CD163L1: variants seen among roughly 807,000 people sequenced by gnomAD.
CD163L1 encodes CD163 molecule like 1.
A neutral mutation model predicts 165.4 loss-of-function variants in CD163L1; 124 were observed. That is an observed-to-expected ratio of 0.75 (90% CI 0.65 to 0.87). The LOEUF (loss-of-function observed/expected upper bound fraction) is 0.87, where lower values mean the gene tolerates loss of function less well. CD163L1 is among the 40% of genes least tolerant of loss of function. The probability of loss-of-function intolerance (pLI) is 0.00; values close to 1 mark genes in which losing one functional copy is unlikely to be tolerated. For synonymous variants in CD163L1, 585 were observed against 662.2 expected (o/e 0.88, Z 1.79); for missense variants, 1,525 against 1,799.9 (o/e 0.85, Z 2.76).
Position 7,374,952 on chromosome 12 carries a change from A to G in CD163L1, c.3002-29T>C, listed in dbSNP as rs766342671. On this transcript the variant is annotated intron_variant, in intron 11 of 19. Transcript: ENST00000313599. This position sits in a 1 kb window ranked among gnomAD's most constrained non-coding sequence, Gnocchi z 5.4. The stretch of plus-strand genomic sequence containing the variant: ...GTGGAGGGTGCAGGAAATGGGGCAA[A>G]AGTAAGACCAAAATACATGGAAAAG... 66 of 1,585,250 alleles carry G rather than the reference A, an allele frequency of 4.2e-5. No homozygotes were observed. The highest frequency in any genetic ancestry group is 2.7e-4 in the Admixed American group (16 of 59,956).
At position 7,432,644 on chromosome 12, in the gene CD163L1, A is replaced by G; in HGVS notation, c.538T>C (p.Cys180Arg). ...VKFQERWGTI[C>R]DDGWNLNTAA... ...GTATTCAAGTTCCACCCATCATCACATATAGTTCCCCACCTTTCTTGGAAT... is the reference window on the plus strand; with the variant it reads ...GTATTCAAGTTCCACCCATCATCACGTATAGTTCCCCACCTTTCTTGGAAT... The change falls in exon 4 of 20, where the codon TGT (cysteine) becomes CGT (arginine). Residue 180 changes from cysteine to arginine, a missense_variant. Cys to Arg is a radical substitution (Grantham distance 180). Transcript: ENST00000313599. This position sits in a 1 kb window ranked among gnomAD's most constrained non-coding sequence, Gnocchi z 4.2. The G allele has an allele frequency of 6.2e-7, 1 of 1,614,146 alleles. No individual in the cohort carries two copies. Among genetic ancestry groups the G allele is most frequent in the East Asian group, 2.2e-5 (1 of 44,882 alleles).
intron 2 of CD163L1, among the ~76,000 whole-genome samples, chr12:7,435,112 T>C (rs1369231135): frequency 6.6e-6 from 1 of 152,080 alleles, no homozygotes; most frequent in African/African-American, 2.4e-5. Flanking sequence ...AGAGATATAT[T>C]CTAATATGAT....
chr12:7,421,404 CTTCCAAATGT>C (rs1565809718), intron 4 of CD163L1, among the ~76,000 whole-genome samples: 52 of 58,584 alleles, frequency 8.9e-4, no homozygotes, highest in Middle Eastern at 0.017. Context: ...GTATATATAT[CTTCCAAATGT>C]ATATATACAT....
At position 7,406,697 on chromosome 12, in the gene CD163L1, C is replaced by A. The variant is rs148507764; in HGVS notation, c.922G>T (p.Ala308Ser). ...VVCKQLGCGT[A>S]LHFAGLPHLQ... ...TGAGGCAAGCCAGCGAAGTGAAGTG[C>A]GGTTCCACATCCCAACTGCTTGCAT... The change falls in exon 5 of 20, where the codon GCA becomes TCA. Residue 308 changes from alanine (A) to serine (S), a missense_variant. Ala to Ser is a moderately conservative substitution (Grantham distance 99). Transcript: ENST00000313599. The A allele has an allele frequency of 1.2e-5, 19 of 1,613,938 alleles. No homozygotes were observed. Among genetic ancestry groups the A allele is most frequent in the Non-Finnish European group, 1.4e-5 (16 of 1,179,996 alleles).
downstream of CD163L1, among the ~76,000 whole-genome samples, chr12:7,343,544 T>A (rs1946650488): frequency 6.6e-6 from 1 of 152,068 alleles, no homozygotes; most frequent in Admixed American, 6.5e-5. Flanking sequence ...AGAGCCAGCA[T>A]ATCATACAGA....
intron 1 of CD163L1, 49 bp from the exon 2 acceptor site, chr12:7,441,295 A>G: frequency 7.5e-7 from 1 of 1,332,604 alleles, no homozygotes. Flanking sequence ...TTTCTAAGAA[A>G]TGTTAGATGA....
intron 4 of CD163L1, among the ~76,000 whole-genome samples, chr12:7,415,241 A>C (rs1319420694): frequency 6.6e-6 from 1 of 152,146 alleles, no homozygotes; most frequent in South Asian, 2.1e-4. Flanking sequence ...AGTTGTTATC[A>C]ACTTAAAAAT....
intron 18 of CD163L1, among the ~76,000 whole-genome samples, chr12:7,363,536 G>T (rs761217863): frequency 2.6e-5 from 4 of 151,916 alleles, no homozygotes; most frequent in Non-Finnish European, 5.9e-5. Flanking sequence ...CCTTTAGCTG[G>T]ACTAAGTAAA....
intron 4 of CD163L1, among the ~76,000 whole-genome samples, chr12:7,407,804 C>CAG (rs1242305104): frequency 6.7e-6 from 1 of 149,958 alleles, no homozygotes; most frequent in African/African-American, 2.5e-5. Context: ...CACACACACA[C>CAG]ACAGACACAC....
intron 4 of CD163L1, among the ~76,000 whole-genome samples, chr12:7,415,581 C>G (rs1015165596): frequency 6.6e-6 from 1 of 152,124 alleles, no homozygotes; most frequent in South Asian, 2.1e-4. Context: ...CCCCTACCCC[C>G]CCAACCCCCA....
the CD163L1 span, among the ~76,000 whole-genome samples, chr12:7,326,504 T>A: frequency 1.3e-5 from 2 of 152,260 alleles, no homozygotes; most frequent in African/African-American, 4.8e-5. Flanking sequence ...GCCACCATGC[T>A]CAGCCCTTTC....
At chr12:7,363,048 A>G (rs1301389576) in intron 18 of CD163L1, among the ~76,000 whole-genome samples, 1 of 152,078 alleles carries the variant, frequency 6.6e-6, no homozygotes, top group Non-Finnish European at 1.5e-5. Flanking sequence ...TACACGAAAT[A>G]ACAGTACTAA....
At chr12:7,408,074 T>TAC (rs1222063989) in intron 4 of CD163L1, among the ~76,000 whole-genome samples, 2 of 125,740 alleles carry the variant, frequency 1.6e-5, no homozygotes, top group South Asian at 2.4e-4. Flanking sequence ...AACTGAACAC[T>TAC]ACATATATAT....
chr12:7,435,091 C>A (rs1591971732), intron 2 of CD163L1, among the ~76,000 whole-genome samples: 1 of 130,850 alleles, frequency 7.6e-6, no homozygotes, highest in South Asian at 2.8e-4. Context: ...GTAGTTGATA[C>A]ACACACACAC....
chr12:7,384,741 G>A (rs1179098642), intron 8 of CD163L1, among the ~76,000 whole-genome samples: 1 of 151,784 alleles, frequency 6.6e-6, no homozygotes, highest in Non-Finnish European at 1.5e-5. Flanking sequence ...TCCCAGATAA[G>A]CAAAAAATGA....
downstream of CD163L1, among the ~76,000 whole-genome samples, chr12:7,354,491 A>G (rs1265925135): frequency 6.6e-6 from 1 of 152,186 alleles, no homozygotes; most frequent in Non-Finnish European, 1.5e-5. Flanking sequence ...AATTTGAACT[A>G]CAAGAACAGC....
intron 8 of CD163L1, among the ~76,000 whole-genome samples, chr12:7,391,408 A>G (rs889667084): frequency 1.3e-5 from 2 of 152,184 alleles, no homozygotes; most frequent in African/African-American, 4.8e-5. Context: ...AAGGTCTGTA[A>G]TAACAAACTT....
At chr12:7,359,491 A>G (rs979652371) in intron 18 of CD163L1, among the ~76,000 whole-genome samples, 1 of 152,116 alleles carries the variant, frequency 6.6e-6, no homozygotes, top group African/African-American at 2.4e-5. Flanking sequence ...TCAACTTAGA[A>G]TTCTGTATTC....
At chr12:7,430,812 C>G (rs1340646333) in intron 4 of CD163L1, among the ~76,000 whole-genome samples, 1 of 151,804 alleles carries the variant, frequency 6.6e-6, no homozygotes, top group African/African-American at 2.4e-5. Flanking sequence ...CCTAGAGGAA[C>G]AGAATGTCTC....
Sources: gnomAD v4.1 joint callset for allele counts (sites outside exome capture counted in the v4.1 genomes callset) on GRCh38, gnomAD v4.1.1 for gene constraint, Gnocchi (gnomAD v3.1) non-coding constraint, MANE v1.5 for transcripts, NCBI Gene and HGNC (gene_info 2026-07-23, HGNC 2026-07-21) for gene names.